Variants in KMT2C observed in about 807,000 individuals in gnomAD.
KMT2C encodes the protein lysine methyltransferase 2C, also known as histone-lysine N-methyltransferase 2C.
KMT2C carries 88 observed loss-of-function variants against 507.9 expected under a neutral mutation model. The observed-to-expected ratio is 0.17, with a 90% CI of 0.15 to 0.21. The LOEUF (loss-of-function observed/expected upper bound fraction) is 0.21. KMT2C is among the 10% of genes least tolerant of loss of function. KMT2C has a pLI of 1.00. For missense variants in KMT2C, 4,954 were observed against 5,957.8 expected, an observed-to-expected ratio of 0.83 and a Z score of 5.55; for synonymous variants, 2,049 against 2,080.8, an observed-to-expected ratio of 0.98 and a Z score of 0.42.
intron 34 of KMT2C, among the ~76,000 whole-genome samples, chr7:152,184,152 A>G (rs1211924112): frequency 6.6e-6 from 1 of 151,080 alleles, no homozygotes; most frequent in Non-Finnish European, 1.5e-5. Context: ...GATATTTGAA[A>G]CGTATCATTA....
At chr7:152,362,287 TTGAGA>T (rs1236051686) in intron 1 of KMT2C, among the ~76,000 whole-genome samples, 10 of 152,104 alleles carry the variant, frequency 6.6e-5, no homozygotes, top group Non-Finnish European at 1.2e-4. Flanking sequence ...TGCAAAATTC[TTGAGA>T]TGAGAGCAAG....
At chr7:152,387,871 A>G (rs1163423508) in intron 1 of KMT2C, among the ~76,000 whole-genome samples, 2 of 152,088 alleles carry the variant, frequency 1.3e-5, no homozygotes, top group Non-Finnish European at 2.9e-5. Context: ...AGAAAAATAT[A>G]CAAAAAAAGC....
intron 14 of KMT2C, among the ~76,000 whole-genome samples, chr7:152,240,398 T>C (rs1347824584): frequency 6.6e-6 from 1 of 152,272 alleles, no homozygotes; most frequent in Non-Finnish European, 1.5e-5. Flanking sequence ...TTTCTTCATC[T>C]CCTGTACGTG....
chr7:152,334,122 A>C (rs2129214435), intron 2 of KMT2C, among the ~76,000 whole-genome samples: 1 of 152,348 alleles, frequency 6.6e-6, no homozygotes, highest in Non-Finnish European at 1.5e-5. Context: ...AGAATAGCTA[A>C]ATAACTCCAA....
At chr7:152,228,487 C>A (rs568968663) in intron 18 of KMT2C, among the ~76,000 whole-genome samples, 6 of 152,148 alleles carry the variant, frequency 3.9e-5, no homozygotes, top group Non-Finnish European at 8.8e-5. Flanking sequence ...TCTATACTGT[C>A]CAAAACAGTG....
intron 4 of KMT2C, among the ~76,000 whole-genome samples, chr7:152,314,524 T>C (rs974616082): frequency 1.3e-5 from 2 of 150,036 alleles, no homozygotes; most frequent in African/African-American, 4.9e-5. Flanking sequence ...ACACACATCA[T>C]TACAAAAAAA....
At chr7:152,266,372 G>A (rs2095858165) in intron 7 of KMT2C, among the ~76,000 whole-genome samples, 1 of 152,006 alleles carries the variant, frequency 6.6e-6, no homozygotes, top group Non-Finnish European at 1.5e-5. Context: ...AGCCTCCCCA[G>A]TAGCTGGGCT....
In KMT2C at chr7:152,339,489, A is replaced by G. The variant is rs1006505287; in HGVS notation, c.251-8750T>C. ...CTGCTAGATTTTATAATTTAAGTGA[A>G]TTAAAAAGATGTTATAAGATTACAA... On this transcript the variant is annotated intron_variant, in intron 2 of 58. Transcript: ENST00000262189. Among the ~76,000 whole-genome samples, 3 of 152,240 alleles carry G rather than the reference A, an allele frequency of 2.0e-5. No individual in the cohort carries two copies. In the East Asian group the frequency reaches 5.8e-4, roughly 29 times the overall value.
In KMT2C at chr7:152,136,814, G is replaced by C; in HGVS notation, c.*18C>G. 1 of 1,586,698 alleles carries C rather than the reference G, an allele frequency of 6.3e-7. No homozygotes were observed. The highest frequency in any genetic ancestry group is 8.7e-7 in the Non-Finnish European group (1 of 1,155,488). ...TTCCTAGGGACAAGCCGCCCGCTGA[G>C]CTAGCAAGGAATGCATTTCAGTTCA... On this transcript the variant is annotated 3_prime_UTR_variant, in exon 59 of 59. Transcript: ENST00000262189.
At chr7:152,384,566 C>CCACCAT (rs2097404645) in intron 1 of KMT2C, among the ~76,000 whole-genome samples, 6 of 50,810 alleles carry the variant, frequency 1.2e-4, no homozygotes, top group Non-Finnish European at 2.0e-4. Flanking sequence ...ACCACCACCA[C>CCACCAT]CACCACCACC....
chr7:152,425,370 G>A (rs2097805818), intron 1 of KMT2C, among the ~76,000 whole-genome samples: 1 of 152,170 alleles, frequency 6.6e-6, no homozygotes, highest in South Asian at 2.1e-4. Context: ...GAGGTCAGAA[G>A]TTCGAGACCA....
At chr7:152,332,873 C>CAA (rs2096896971) in intron 2 of KMT2C, among the ~76,000 whole-genome samples, 1 of 151,610 alleles carries the variant, frequency 6.6e-6, no homozygotes, top group African/African-American at 2.4e-5. Flanking sequence ...CACACACACA[C>CAA]ACACACACAC....
At chr7:152,316,943 C>G (rs927764646) in intron 3 of KMT2C, among the ~76,000 whole-genome samples, 1 of 152,096 alleles carries the variant, frequency 6.6e-6, no homozygotes, top group African/African-American at 2.4e-5. Context: ...GTTCTCTGAG[C>G]TATTAAGCTT....
intron 7 of KMT2C, among the ~76,000 whole-genome samples, chr7:152,272,440 C>T (rs569240374): frequency 1.6e-4 from 25 of 152,136 alleles, no homozygotes; most frequent in African/African-American, 6.0e-4. Context: ...TATATACACA[C>T]AAAATTGTTT....
chr7:152,267,475 A>G (rs1326622409), intron 7 of KMT2C, among the ~76,000 whole-genome samples: 2 of 152,234 alleles, frequency 1.3e-5, no homozygotes, highest in Non-Finnish European at 2.9e-5. Context: ...ATTCTTATGT[A>G]TTAAACTTCC....
At chr7:152,274,789 C>A (rs916554270) in intron 6 of KMT2C, among the ~76,000 whole-genome samples, 2 of 152,196 alleles carry the variant, frequency 1.3e-5, no homozygotes, top group African/African-American at 4.8e-5. Context: ...TATGCCATTA[C>A]ATGATCAGTT....
At chr7:152,355,531 G>A (rs1172023031) in intron 2 of KMT2C, among the ~76,000 whole-genome samples, 1 of 151,730 alleles carries the variant, frequency 6.6e-6, no homozygotes, top group African/African-American at 2.4e-5. Context: ...GAAAAAACCA[G>A]TGAAGGAGTA....
At chr7:152,422,762 G>A (rs113239759) in intron 1 of KMT2C, among the ~76,000 whole-genome samples, 5,814 of 152,172 alleles carry the variant, frequency 0.038, 394 homozygotes, top group African/African-American at 0.13. Context: ...AGTGGCTCAC[G>A]CCTGTAATCT....
intron 1 of KMT2C, among the ~76,000 whole-genome samples, chr7:152,370,017 C>A (rs866427537): frequency 2.0e-5 from 3 of 152,004 alleles, no homozygotes; most frequent in Non-Finnish European, 4.4e-5. Flanking sequence ...CACGGTGAAA[C>A]CCCGTCTCTA....
Sources: gnomAD v4.1 joint callset for allele counts (sites outside exome capture counted in the v4.1 genomes callset) on GRCh38, gnomAD v4.1.1 for gene constraint, MANE v1.5 for transcripts, NCBI Gene and HGNC (gene_info 2026-07-23, HGNC 2026-07-21) for gene names.